The following GPHN variants were observed in gnomAD, a reference collection of about 807,000 sequenced individuals.
GPHN encodes gephyrin.
GPHN carries 17 observed loss-of-function variants against 95.5 expected under a neutral mutation model. The ratio of observed to expected loss-of-function variants is 0.18; its 90% CI spans 0.12 to 0.27. The LOEUF is 0.27. Among genes scored for constraint, GPHN ranks in the 10% least tolerant of loss-of-function variants. The probability of loss-of-function intolerance (pLI) is 1.00; values close to 1 mark genes in which losing one functional copy is unlikely to be tolerated. For missense variants in GPHN, 660 were observed against 978.1 expected, an observed-to-expected ratio of 0.67 and a Z score of 4.34; for synonymous variants, 320 against 322.5, an observed-to-expected ratio of 0.99 and a Z score of 0.08.
At chr14:66,603,020 T>C (rs2062331966) in intron 1 of GPHN, among the ~76,000 whole-genome samples, 1 of 151,888 alleles carries the variant, frequency 6.6e-6, no homozygotes, top group Non-Finnish European at 1.5e-5. Context: ...GTTAAACATA[T>C]CAAGCTTACA....
At chr14:67,080,020 A>G (rs961106330) in intron 11 of GPHN, among the ~76,000 whole-genome samples, 1 of 152,016 alleles carries the variant, frequency 6.6e-6, no homozygotes, top group South Asian at 2.1e-4. Context: ...AAGTGGTTAC[A>G]CCATTTTATA....
Position 66,717,825 on chromosome 14 carries a change from G to A in GPHN, c.143+36640G>A, listed in dbSNP as rs149821442. On this transcript the variant is annotated intron_variant, in intron 2 of 22. Transcript: ENST00000478722. ...CCTACCCGGCTCCAGGCTTGTACTA[G>A]GGGTTGTCTGCACAGAGTCCTGTGA... Among the ~76,000 whole-genome samples the A allele has an allele frequency of 3.3e-3, 506 of 152,312 alleles. 4 individuals are homozygous for A. The highest frequency in any genetic ancestry group is 0.014 in the Middle Eastern group (4 of 294).
intron 9 of GPHN, among the ~76,000 whole-genome samples, chr14:67,018,992 T>C (rs2153622711): frequency 6.6e-6 from 1 of 152,302 alleles, no homozygotes; most frequent in Non-Finnish European, 1.5e-5. Context: ...GCTAACTAAA[T>C]TGGGATGTAC....
At chr14:67,301,119 T>C in the GPHN span, among the ~76,000 whole-genome samples, 1 of 152,258 alleles carries the variant, frequency 6.6e-6, no homozygotes, top group Middle Eastern at 3.4e-3. Context: ...TTAATGAATT[T>C]TATGGTATGT....
At chr14:66,822,675 A>G (rs1474991979) in intron 3 of GPHN, among the ~76,000 whole-genome samples, 1 of 152,220 alleles carries the variant, frequency 6.6e-6, no homozygotes, top group Non-Finnish European at 1.5e-5. Flanking sequence ...CATTTTTACT[A>G]TGTTTATTAG....
At chr14:66,736,900 C>T (rs970242218) in intron 2 of GPHN, among the ~76,000 whole-genome samples, 3 of 152,074 alleles carry the variant, frequency 2.0e-5, no homozygotes, top group African/African-American at 7.2e-5. Flanking sequence ...TCTCTCTTTG[C>T]TGAATTCTAT....
the GPHN span, among the ~76,000 whole-genome samples, chr14:67,481,111 C>T: frequency 6.6e-6 from 1 of 151,846 alleles, no homozygotes. Flanking sequence ...GGCAACATAG[C>T]GAGACCACCA....
the GPHN span, among the ~76,000 whole-genome samples, chr14:67,247,064 A>G: frequency 6.6e-6 from 1 of 152,192 alleles, no homozygotes; most frequent in African/African-American, 2.4e-5. Flanking sequence ...GATATTTAGA[A>G]TCATCTTGAT....
intron 5 of GPHN, among the ~76,000 whole-genome samples, chr14:66,904,987 A>G (rs2065305486): frequency 6.6e-6 from 1 of 152,064 alleles, no homozygotes; most frequent in East Asian, 1.9e-4. Context: ...AAGTTCTATT[A>G]TTATTTCTTT....
At chr14:66,888,858 C>T (rs1428375187) in intron 5 of GPHN, among the ~76,000 whole-genome samples, 1 of 151,936 alleles carries the variant, frequency 6.6e-6, no homozygotes, top group Non-Finnish European at 1.5e-5. Flanking sequence ...GATCCAAAGA[C>T]ATAAATAAGT....
At chr14:67,214,964 G>A in the GPHN span, among the ~76,000 whole-genome samples, 4 of 152,074 alleles carry the variant, frequency 2.6e-5, no homozygotes, top group Non-Finnish European at 5.9e-5. Flanking sequence ...TTGGCTCTCT[G>A]TTTGTCTGTT....
At chr14:66,625,427 C>A (rs565095299) in intron 1 of GPHN, among the ~76,000 whole-genome samples, 1 of 152,178 alleles carries the variant, frequency 6.6e-6, no homozygotes, top group African/African-American at 2.4e-5. Flanking sequence ...TCAGCCCCTC[C>A]CTTCTTTTTT....
At chr14:66,557,224 GATAC>G (rs1566598956) in intron 1 of GPHN, among the ~76,000 whole-genome samples, 2 of 142,712 alleles carry the variant, frequency 1.4e-5, no homozygotes, top group African/African-American at 5.3e-5. Flanking sequence ...TAGATAGATA[GATAC>G]ATAGGTAGGT....
At chr14:67,641,948 C>G in the GPHN span, among the ~76,000 whole-genome samples, 2 of 152,002 alleles carry the variant, frequency 1.3e-5, no homozygotes, top group Non-Finnish European at 2.9e-5. Flanking sequence ...AATGGTTAAC[C>G]ATTTTTTTAT....
At chr14:66,771,825 G>A (rs1204131598) in intron 2 of GPHN, among the ~76,000 whole-genome samples, 2 of 148,288 alleles carry the variant, frequency 1.3e-5, no homozygotes, top group African/African-American at 2.5e-5. Flanking sequence ...AATATGCGGT[G>A]TTTGGTTTTT....
At chr14:67,722,653 C>T in the GPHN span, 2 of 1,613,774 alleles carry the variant, frequency 1.2e-6, no homozygotes, top group Non-Finnish European at 1.7e-6. Context: ...ATGCTGGTCA[C>T]CTTGGGACTG....
chr14:67,712,783 A>G, the GPHN span, among the ~76,000 whole-genome samples: 2 of 152,202 alleles, frequency 1.3e-5, no homozygotes, highest in African/African-American at 2.4e-5. Flanking sequence ...AACTTTAGCT[A>G]TTGAACTACA....
chr14:67,598,762 T>G, the GPHN span, among the ~76,000 whole-genome samples: 1 of 149,160 alleles, frequency 6.7e-6, no homozygotes, highest in Non-Finnish European at 1.5e-5. Flanking sequence ...CAGGCTGGAG[T>G]GCAGTGGCGT....
At chr14:66,643,352 T>A (rs2064543838) in intron 1 of GPHN, among the ~76,000 whole-genome samples, 1 of 152,084 alleles carries the variant, frequency 6.6e-6, no homozygotes, top group Admixed American at 6.6e-5. Flanking sequence ...TGAACATATA[T>A]GTTATCTATT....
Sources: gnomAD v4.1 joint callset for allele counts (sites outside exome capture counted in the v4.1 genomes callset) on GRCh38, gnomAD v4.1.1 for gene constraint, MANE v1.5 for transcripts, NCBI Gene and HGNC (gene_info 2026-07-23, HGNC 2026-07-21) for gene names.